The following TUSC3 variants were observed in gnomAD, a reference collection of about 807,000 sequenced individuals.
TUSC3 encodes the protein tumor suppressor candidate 3.
TUSC3 carries 45 observed loss-of-function variants against 44.8 expected under a neutral mutation model. That is an observed-to-expected ratio of 1.00 (90% CI 0.79 to 1.29). TUSC3 has a LOEUF of 1.29. TUSC3 is among the 50% of genes most tolerant of loss of function. TUSC3 has a pLI of 0.00. For synonymous variants in TUSC3, 212 were observed against 152.9 expected (o/e 1.39, Z -2.85); for missense variants, 519 against 437.9 (o/e 1.19, Z -1.65).
chr8:15,577,507 G>A (rs980325890), intron 1 of TUSC3, among the ~76,000 whole-genome samples: 1 of 150,636 alleles, frequency 6.6e-6, no homozygotes, highest in Non-Finnish European at 1.5e-5. Context: ...GTAAGGAAGG[G>A]ATCCAGTTTC....
chr8:15,542,146 A>G (rs1801714050), intron 1 of TUSC3, among the ~76,000 whole-genome samples: 2 of 152,094 alleles, frequency 1.3e-5, no homozygotes, highest in Non-Finnish European at 2.9e-5. Context: ...TGTAAGGTCT[A>G]CATTGGTTTG....
At chr8:15,813,915 GT>G in the TUSC3 span, among the ~76,000 whole-genome samples, 1 of 152,018 alleles carries the variant, frequency 6.6e-6, no homozygotes, top group Admixed American at 6.6e-5. Context: ...TAGCTCCACC[GT>G]TACTAAGTTT....
chr8:15,524,590 G>C (rs1045237723), intron 2 of TUSC3, among the ~76,000 whole-genome samples: 1 of 152,136 alleles, frequency 6.6e-6, no homozygotes, highest in Non-Finnish European at 1.5e-5. Context: ...AAGTCTCAAA[G>C]AGCGTAATTG....
chr8:15,688,331 TC>T (rs1250257495), intron 6 of TUSC3, among the ~76,000 whole-genome samples: 1 of 152,170 alleles, frequency 6.6e-6, no homozygotes, highest in Non-Finnish European at 1.5e-5. Flanking sequence ...TTATCAAGCA[TC>T]ATTAGGTTTT....
chr8:15,438,332 G>A (rs1269755260), intron 1 of TUSC3, among the ~76,000 whole-genome samples: 2 of 152,116 alleles, frequency 1.3e-5, no homozygotes, highest in Admixed American at 6.5e-5. Flanking sequence ...CAGACCTCAG[G>A]TGGTCCGCCT....
At chr8:15,642,521 C>T (rs1021439561) in intron 2 of TUSC3, among the ~76,000 whole-genome samples, 4 of 152,134 alleles carry the variant, frequency 2.6e-5, no homozygotes, top group African/African-American at 7.2e-5. Flanking sequence ...GACACAGTTT[C>T]TGTAATCTTG....
At chr8:15,570,674 A>G (rs1563295454) in intron 1 of TUSC3, among the ~76,000 whole-genome samples, 1 of 152,030 alleles carries the variant, frequency 6.6e-6, no homozygotes. Flanking sequence ...GCTTAGCATG[A>G]TTTTATTGTA....
chr8:15,698,538 T>C (rs913646537), intron 6 of TUSC3, among the ~76,000 whole-genome samples: 1 of 152,198 alleles, frequency 6.6e-6, no homozygotes, highest in Non-Finnish European at 1.5e-5. Context: ...AAACCTCATT[T>C]ATGGTTCAGA....
At chr8:15,626,151 C>CA (rs891594672) in intron 2 of TUSC3, among the ~76,000 whole-genome samples, 11 of 152,136 alleles carry the variant, frequency 7.2e-5, no homozygotes, top group Non-Finnish European at 1.0e-4. Context: ...GTGCCACCCC[C>CA]ACCCTCCTGA....
At chr8:15,803,215 A>G in the TUSC3 span, among the ~76,000 whole-genome samples, 2 of 62,942 alleles carry the variant, frequency 3.2e-5, no homozygotes, top group Admixed American at 3.0e-4. Context: ...AATAGAATTT[A>G]TCTTTCCGGC....
At chr8:15,580,812 C>T (rs1234060632) in intron 1 of TUSC3, among the ~76,000 whole-genome samples, 7 of 141,004 alleles carry the variant, frequency 5.0e-5, no homozygotes, top group East Asian at 2.0e-4. Context: ...TTGCTCTTCT[C>T]GAGGAGTATC....
the TUSC3 span, among the ~76,000 whole-genome samples, chr8:15,786,413 T>C: frequency 6.6e-6 from 1 of 152,142 alleles, no homozygotes; most frequent in African/African-American, 2.4e-5. Flanking sequence ...AAATGAAAGA[T>C]AAAATAATGT....
chr8:15,809,952 A>C, the TUSC3 span, among the ~76,000 whole-genome samples: 2 of 152,212 alleles, frequency 1.3e-5, no homozygotes, highest in Non-Finnish European at 2.9e-5. Context: ...GCACCTTGTT[A>C]AACCTCCTAG....
chr8:15,769,925 G>A (rs1471922906), downstream of TUSC3, among the ~76,000 whole-genome samples: 2 of 152,214 alleles, frequency 1.3e-5, no homozygotes, highest in Non-Finnish European at 2.9e-5. Context: ...AGGTGCTAGA[G>A]AGGATGTGGA....
intron 1 of TUSC3, among the ~76,000 whole-genome samples, chr8:15,557,981 T>C (rs1195635540): frequency 7.2e-5 from 5 of 69,266 alleles, no homozygotes; most frequent in South Asian, 5.5e-4. Flanking sequence ...CTTTTCCTAA[T>C]TGAATACCCT....
At chr8:15,591,167 G>C (rs1803821754) in intron 1 of TUSC3, among the ~76,000 whole-genome samples, 1 of 152,076 alleles carries the variant, frequency 6.6e-6, no homozygotes, top group Non-Finnish European at 1.5e-5. Flanking sequence ...AGATTTAAAA[G>C]TTGCCAAAAA....
In TUSC3 at chr8:15,456,565, A is replaced by G. The variant is rs563864017; in HGVS notation, n.92-26821A>G. Among the ~76,000 whole-genome samples the G allele has an allele frequency of 1.6e-4, 24 of 152,300 alleles. 1 individual carries two copies. Among genetic ancestry groups the G allele is most frequent in the African/African-American group, 5.5e-4 (23 of 41,586 alleles). On this transcript the variant is annotated intron_variant and non_coding_transcript_variant, in intron 1 of 5. Transcript: ENST00000503191. ...AGAGTGATATTAGGGTAGAAAAAAA[A>G]TTATTCGTGAGCTAGAAAGCCTAGA...
At chr8:15,816,567 T>C in the TUSC3 span, among the ~76,000 whole-genome samples, 1 of 152,194 alleles carries the variant, frequency 6.6e-6, no homozygotes, top group Non-Finnish European at 1.5e-5. Flanking sequence ...ATTTCTGGAC[T>C]TTATTGGGTC....
intron 1 of TUSC3, among the ~76,000 whole-genome samples, chr8:15,596,732 C>G (rs1244669486): frequency 1.3e-5 from 2 of 151,862 alleles, no homozygotes; most frequent in Non-Finnish European, 2.9e-5. Context: ...TGTGGGTATT[C>G]AGAGAATTTA....
Sources: gnomAD v4.1 joint callset for allele counts (sites outside exome capture counted in the v4.1 genomes callset) on GRCh38, gnomAD v4.1.1 for gene constraint, MANE v1.5 for transcripts, NCBI Gene and HGNC (gene_info 2026-07-23, HGNC 2026-07-21) for gene names.